XRN1: variants seen among roughly 807,000 people sequenced by gnomAD.
The protein encoded by XRN1 is 5'-3' exoribonuclease 1, also known as strand-exchange protein 1 homolog.
In XRN1, 67 loss-of-function variants were observed where a neutral mutation model predicts 222.3. The ratio of observed to expected loss-of-function variants is 0.30; its 90% confidence interval spans 0.25 to 0.37. XRN1 has a LOEUF of 0.37. Among genes scored for constraint, XRN1 ranks in the 10% least tolerant of loss-of-function variants. The pLI is 1.00. For missense variants in XRN1, 1,707 were observed against 2,000.2 expected (o/e 0.85, Z 2.80); for synonymous variants, 643 against 652.4 (o/e 0.99, Z 0.22).
chr3:142,370,662 T>C (rs767454592), intron 26 of XRN1, 42 bp from the exon 27 acceptor site: 1 of 1,514,458 alleles, frequency 6.6e-7, no homozygotes, highest in Admixed American at 2.3e-5. Context: ...ATTAAAACTT[T>C]CTCAGGGCTA....
Position 142,308,878 on chromosome 3 carries a change from G to A in XRN1, c.*2633C>T, listed in dbSNP as rs1033697149. ...AGTCCTCAGAAGATTCAAGTTGAAT[G>A]AGCATATTTTTAAACTTTGGGGGTG... is the stretch of plus-strand genomic sequence containing the variant. On this transcript the variant is annotated 3_prime_UTR_variant, in exon 41 of 41. Coordinates refer to ENST00000392981, the MANE Select transcript of XRN1 (RefSeq NM_001282857.2). 6.6e-6 allele frequency: 1 copy of A among 152,184 alleles called. No individual in the cohort carries two copies. Among genetic ancestry groups the A allele is most frequent in the Non-Finnish European group, 1.5e-5 (1 of 68,030 alleles). 9.4% of individuals were successfully genotyped at this position (152,184 alleles called of 1,614,324 possible).
intron 5 of XRN1, 26 bp downstream of exon 5, chr3:142,425,196 T>C: frequency 1.3e-6 from 2 of 1,483,576 alleles, no homozygotes; most frequent in South Asian, 1.4e-5. Flanking sequence ...AATGCATAAG[T>C]TTATAATAAT....
intron 22 of XRN1, among the ~76,000 whole-genome samples, chr3:142,380,709 A>AGT (rs2067277226): frequency 6.6e-6 from 1 of 151,662 alleles, no homozygotes; most frequent in Non-Finnish European, 1.5e-5. Context: ...GCTGGAGTGT[A>AGT]GTGGCACTAT....
chr3:142,421,047 GCTT>G lies in XRN1; in HGVS notation c.1139_1141del (p.Glu380del). 1 of 1,613,912 alleles carries G rather than the reference GCTT, an allele frequency of 6.2e-7. No individual in the cohort carries two copies. Among genetic ancestry groups the G allele is most frequent in the Non-Finnish European group, 8.5e-7 (1 of 1,179,938 alleles). On this transcript the variant is annotated inframe_deletion, in exon 10 of 41. Transcript: ENST00000392981. ...CTTTTTCTTTTCCTTGTAGTTCCTG[GCTT>G]CTTCTGCTGCGACACCTGCTGCTTC...
At position 142,306,764 on chromosome 3, in the gene XRN1, A is replaced by C. The variant is rs932825924; in HGVS notation, c.*4747T>G. 3 of 152,654 alleles carry C rather than the reference A, an allele frequency of 2.0e-5. No individual in the cohort carries two copies. The highest frequency in any genetic ancestry group is 4.4e-5 in the Non-Finnish European group (3 of 68,042). The allele number at this position is 152,654 out of a possible 1,614,324, so 9.5% of individuals were successfully genotyped here. On this transcript the variant is annotated 3_prime_UTR_variant, in exon 41 of 41. Coordinates refer to ENST00000392981, the MANE Select transcript of XRN1 (RefSeq NM_001282857.2). ...AATCTACGGATAACGTAACACCACAAAAATACATTCGGAGTCCATTCCAAT... is the reference window on the plus strand; with the variant it reads ...AATCTACGGATAACGTAACACCACACAAATACATTCGGAGTCCATTCCAAT...
Position 142,347,234 on chromosome 3 carries a change from A to G in XRN1, c.3877T>C (p.Phe1293Leu). The change falls in exon 33 of 41, where the codon TTT (phenylalanine) becomes CTT (leucine). Residue 1293 changes from phenylalanine (F) to leucine (L), a missense_variant and splice_region_variant. This residue lies in a region of XRN1 where 473 missense variants were observed against 482.0 expected (regional missense o/e 0.98). Transcript: ENST00000392981. ...TACACCTTTCTAATTTAAAACTTAC[A>G]TTTTCTGTGAGGGTCATGTTTTCTT... ...QQRKHDPHRK[F>L]KEECKSPKAE... is the part of the protein sequence containing the mutation. 1.3e-6 allele frequency: 2 copies of G among 1,592,194 alleles called. No individual in the cohort carries two copies. Among genetic ancestry groups the G allele is most frequent in the Non-Finnish European group, 1.7e-6 (2 of 1,166,352 alleles).
intron 32 of XRN1, among the ~76,000 whole-genome samples, chr3:142,351,149 C>G (rs138208891): frequency 6.6e-6 from 1 of 151,804 alleles, no homozygotes; most frequent in South Asian, 2.1e-4. Context: ...ATCTATGTAT[C>G]TATGTATCTA....
At chr3:142,315,780 G>A (rs2065197100) in intron 39 of XRN1, among the ~76,000 whole-genome samples, 1 of 152,078 alleles carries the variant, frequency 6.6e-6, no homozygotes, top group Admixed American at 6.6e-5. Context: ...CTCCCAAACT[G>A]CTGGGATTAC....
rs139044794 is a variant in XRN1 at position 142,395,047 on chromosome 3, G to A, written c.2339+2282C>T. Among the ~76,000 whole-genome samples, 277 of 152,304 alleles carry A rather than the reference G, an allele frequency of 1.8e-3. 2 individuals carry two copies. The highest frequency in any genetic ancestry group is 0.01 in the Middle Eastern group (3 of 294). Reference sequence around the variant, plus strand: ...TAGGTTCTACATTCTTCCTGCAAAAGTCATAGAGCTAAGAATGCTCTGCAT... The same window carrying A: ...TAGGTTCTACATTCTTCCTGCAAAAATCATAGAGCTAAGAATGCTCTGCAT... On this transcript the variant is annotated intron_variant, in intron 20 of 40. Coordinates refer to ENST00000392981, the MANE Select transcript of XRN1 (RefSeq NM_001282857.2).
rs370910606 is a variant in XRN1 at position 142,308,787 on chromosome 3, T to C, written c.*2724A>G. On this transcript the variant is annotated 3_prime_UTR_variant, in exon 41 of 41. Transcript: ENST00000392981. ...TAAATAGATTGAAGTGCTCTAGTTA[T>C]GTGGAAGCATAAAGCAATTTGGGGA... 5 of 152,362 alleles carry C rather than the reference T, an allele frequency of 3.3e-5. No individual in the cohort carries two copies. In the East Asian group the frequency reaches 5.8e-4, roughly 18 times the overall value. The allele number at this position is 152,362 out of a possible 1,614,324, so 9.4% of individuals were successfully genotyped here.
Position 142,421,112 on chromosome 3 carries a change from T to A in XRN1, c.1077A>T (p.Lys359Asn). ...TGTTACCAACTTTGCTTTCAAACCA[T>A]TTTAGGTCCACAAAAACTTCACTGA... ...EHFSEVFVDL[K>N]WFESKVGNKY... Residue 359 changes from lysine to asparagine, a missense_variant, in exon 10 of 41, where the codon AAA becomes AAT. Around this residue, in one of 2 missense-constraint regions of XRN1, gnomAD observed 1,234 missense variants for 1,518.2 expected, o/e 0.81. Transcript: ENST00000392981. 6.2e-7 allele frequency: 1 copy of A among 1,613,894 alleles called. No individual in the cohort carries two copies. Among genetic ancestry groups the A allele is most frequent in the Non-Finnish European group, 8.5e-7 (1 of 1,179,916 alleles).
At chr3:142,321,794 A>G (rs1171999273) in intron 37 of XRN1, among the ~76,000 whole-genome samples, 1 of 152,228 alleles carries the variant, frequency 6.6e-6, no homozygotes. Context: ...GTGTATAAAA[A>G]TACAACTGAT....
intron 23 of XRN1, 70 bp downstream of exon 23, chr3:142,380,010 GGT>G (rs1284999943): frequency 6.6e-5 from 77 of 1,163,322 alleles, no homozygotes; most frequent in Non-Finnish European, 8.6e-5. Context: ...ATTCAAAGGA[GGT>G]GGCAAAAATA....
intron 2 of XRN1, 135 bp from the exon 3 acceptor site, chr3:142,426,976 G>T: frequency 1.5e-6 from 1 of 646,534 alleles, no homozygotes; most frequent in Non-Finnish European, 2.6e-6. Context: ...TACAAGTTTT[G>T]AAATGATTAT....
chr3:142,342,942 A>C (rs1167662332), intron 33 of XRN1, among the ~76,000 whole-genome samples: 2 of 152,168 alleles, frequency 1.3e-5, no homozygotes, highest in African/African-American at 4.8e-5. Flanking sequence ...CAAGTTAAAA[A>C]ACTTCTACAC....
At chr3:142,318,981 G>A in intron 37 of XRN1, 78 bp from the exon 38 acceptor site, 1 of 1,166,002 alleles carries the variant, frequency 8.6e-7, no homozygotes, top group Non-Finnish European at 1.2e-6. Context: ...GTCTAAACAA[G>A]TAAAATAATT....
intron 29 of XRN1, among the ~76,000 whole-genome samples, chr3:142,362,462 G>A (rs995965950): frequency 2.0e-5 from 3 of 151,640 alleles, no homozygotes; most frequent in Non-Finnish European, 2.9e-5. Flanking sequence ...TAGTAGAGAC[G>A]GGATTTCATC....
intron 15 of XRN1, among the ~76,000 whole-genome samples, chr3:142,408,822 T>C (rs1270606465): frequency 6.6e-6 from 1 of 152,200 alleles, no homozygotes; most frequent in Non-Finnish European, 1.5e-5. Flanking sequence ...TAGCAGTGTA[T>C]AAAAATTCCA....
intron 14 of XRN1, among the ~76,000 whole-genome samples, chr3:142,413,471 AAAG>A (rs2068664940): frequency 6.6e-6 from 1 of 152,210 alleles, no homozygotes. Flanking sequence ...TGACACTGCT[AAAG>A]AAGTAAAGGG....
Sources: gnomAD v4.1 joint callset for allele counts (sites outside exome capture counted in the v4.1 genomes callset) on GRCh38, gnomAD v4.1.1 for gene constraint, gnomAD v4.1.1 regional missense constraint, MANE v1.5 for transcripts, NCBI Gene and HGNC (gene_info 2026-07-23, HGNC 2026-07-21) for gene names.